DCC: variants seen among roughly 807,000 people sequenced by gnomAD.
DCC encodes DCC netrin 1 receptor.
In DCC, 58 loss-of-function variants were observed where a neutral mutation model predicts 172.5. The observed-to-expected ratio is 0.34, with a 90% CI of 0.27 to 0.42. The LOEUF (loss-of-function observed/expected upper bound fraction) is 0.42. Ranked by LOEUF, DCC falls within the 10% of genes least tolerant of loss-of-function variation. DCC has a pLI of 1.00. For synonymous variants in DCC, 709 were observed against 644.5 expected (o/e 1.10, Z -1.52); for missense variants, 1,740 against 1,791.0 (o/e 0.97, Z 0.51).
At chr18:52,565,622 G>A (rs920971193) in intron 1 of DCC, among the ~76,000 whole-genome samples, 2 of 152,006 alleles carry the variant, frequency 1.3e-5, no homozygotes, top group East Asian at 1.9e-4. Context: ...TATGTTTGTT[G>A]GCTGCAAAAA....
chr18:53,315,809 G>A (rs1304002447), intron 13 of DCC, among the ~76,000 whole-genome samples: 2 of 151,982 alleles, frequency 1.3e-5, no homozygotes, highest in Admixed American at 1.3e-4. Context: ...TTTTTGATGG[G>A]ATTGTTTGTT....
chr18:52,597,006 G>A (rs2033922456), intron 1 of DCC, among the ~76,000 whole-genome samples: 1 of 152,204 alleles, frequency 6.6e-6, no homozygotes, highest in African/African-American at 2.4e-5. Context: ...CTTTGCATAG[G>A]GGCTTTGTGA....
chr18:52,950,929 CAAAAAAAAAAAAAAAAAAAAAAAAAAAAA>C (rs755118442), intron 5 of DCC, among the ~76,000 whole-genome samples: 3 of 57,408 alleles, frequency 5.2e-5, no homozygotes, highest in Non-Finnish European at 9.2e-5. Context: ...GACTCCGTCT[CAAAAAAAAAAAAAAAAAAAAAAAAAAAAA>C]AAAAAAAAAA....
In DCC at chr18:53,470,671, A is replaced by G. The variant is rs906300195; in HGVS notation, c.3736+2661A>G. Among the ~76,000 whole-genome samples, 9 of 151,806 alleles carry G rather than the reference A, an allele frequency of 5.9e-5. No homozygotes were observed. The East Asian group carries it at 1.8e-3, about 30-fold the overall frequency. On this transcript the variant is annotated intron_variant, in intron 25 of 28. Transcript: ENST00000442544. ...AGGAGGCCTCATGAAACTCAGAATCATGGCGGAAGGTGAAGGAAAAGCAAG... is the reference window on the plus strand; with the variant it reads ...AGGAGGCCTCATGAAACTCAGAATCGTGGCGGAAGGTGAAGGAAAAGCAAG...
At chr18:53,398,809 T>A (rs553534517) in intron 18 of DCC, among the ~76,000 whole-genome samples, 2 of 152,088 alleles carry the variant, frequency 1.3e-5, no homozygotes, top group Non-Finnish European at 2.9e-5. Flanking sequence ...CTTTTAGAAA[T>A]GTGGTTAGTA....
chr18:52,934,278 G>A (rs114156384), intron 5 of DCC, among the ~76,000 whole-genome samples: 3,095 of 151,962 alleles, frequency 0.02, 89 homozygotes, highest in African/African-American at 0.058. Flanking sequence ...GTGATACATT[G>A]AAATTTCTTT....
chr18:52,562,492 A>G (rs148411315), intron 1 of DCC, among the ~76,000 whole-genome samples: 1 of 152,290 alleles, frequency 6.6e-6, no homozygotes, highest in Admixed American at 6.5e-5. Context: ...TTTAATATTT[A>G]ATTTAATGGA....
At chr18:52,543,140 T>G (rs1329855600) in intron 1 of DCC, among the ~76,000 whole-genome samples, 1 of 152,168 alleles carries the variant, frequency 6.6e-6, no homozygotes, top group Non-Finnish European at 1.5e-5. Flanking sequence ...TTAAGAGAAG[T>G]GCTGCCAAAT....
At chr18:53,345,761 A>ATTT in intron 15 of DCC, among the ~76,000 whole-genome samples, 1 of 149,090 alleles carries the variant, frequency 6.7e-6, no homozygotes, top group Non-Finnish European at 1.5e-5. Context: ...GCATTGACAG[A>ATTT]TTTTTTTTTT....
At chr18:53,525,373 C>A (rs2046443237) in intron 27 of DCC, among the ~76,000 whole-genome samples, 1 of 152,020 alleles carries the variant, frequency 6.6e-6, no homozygotes, top group Non-Finnish European at 1.5e-5. Flanking sequence ...ATCAGAGGTA[C>A]CACGAACAGA....
intron 8 of DCC, among the ~76,000 whole-genome samples, chr18:53,169,309 C>CA (rs1372094428): frequency 1.3e-5 from 2 of 152,168 alleles, no homozygotes; most frequent in African/African-American, 2.4e-5. Flanking sequence ...CTAGCATTCA[C>CA]AAAAAATTAA....
At chr18:53,418,270 GA>G (rs1337851176) in intron 21 of DCC, among the ~76,000 whole-genome samples, 4 of 152,050 alleles carry the variant, frequency 2.6e-5, no homozygotes, top group Non-Finnish European at 4.4e-5. Flanking sequence ...TTCTTACAAA[GA>G]AAGCATATAA....
intron 1 of DCC, among the ~76,000 whole-genome samples, chr18:52,690,566 C>T (rs549825951): frequency 6.6e-6 from 1 of 152,152 alleles, no homozygotes; most frequent in African/African-American, 2.4e-5. Context: ...ATGGTTTTAA[C>T]AGTATTTCCA....
intron 5 of DCC, among the ~76,000 whole-genome samples, chr18:52,954,171 C>T (rs767324071): frequency 1.1e-4 from 17 of 152,218 alleles, no homozygotes; most frequent in African/African-American, 4.1e-4. Flanking sequence ...CATAATCCAA[C>T]CTTAGGCTTG....
At chr18:53,272,822 T>C (rs1229015488) in intron 12 of DCC, among the ~76,000 whole-genome samples, 1 of 152,182 alleles carries the variant, frequency 6.6e-6, no homozygotes, top group Non-Finnish European at 1.5e-5. Context: ...AATTGTGTTA[T>C]CCTTTGATTG....
At chr18:52,956,888 G>T (rs935912244) in intron 5 of DCC, among the ~76,000 whole-genome samples, 2 of 152,112 alleles carry the variant, frequency 1.3e-5, no homozygotes, top group Non-Finnish European at 2.9e-5. Context: ...ACCAAAGTTA[G>T]AATGGACTTC....
At chr18:52,948,696 G>A (rs2145542429) in intron 5 of DCC, among the ~76,000 whole-genome samples, 1 of 152,292 alleles carries the variant, frequency 6.6e-6, no homozygotes, top group Admixed American at 6.5e-5. Context: ...TTGAGACTAT[G>A]TTTCAGCTGC....
At chr18:53,307,010 C>T (rs1176409610) in intron 13 of DCC, among the ~76,000 whole-genome samples, 2 of 152,168 alleles carry the variant, frequency 1.3e-5, no homozygotes, top group Non-Finnish European at 2.9e-5. Context: ...AGATACTCAG[C>T]GAATTTCCAT....
intron 26 of DCC, among the ~76,000 whole-genome samples, chr18:53,490,909 G>A (rs967458378): frequency 2.6e-5 from 4 of 152,186 alleles, no homozygotes; most frequent in African/African-American, 9.7e-5. Flanking sequence ...CCTGTTCATT[G>A]TATTCATTTT....
Sources: allele counts gnomAD v4.1 joint callset (sites outside exome capture counted in the v4.1 genomes callset), GRCh38; gene constraint gnomAD v4.1.1; transcripts MANE v1.5; gene names NCBI Gene and HGNC (gene_info 2026-07-23, HGNC 2026-07-21).